TIMM22: variants seen among roughly 807,000 people sequenced by gnomAD.
The protein encoded by TIMM22 is mitochondrial import inner membrane translocase subunit Tim22.
A neutral mutation model predicts 18.3 loss-of-function variants in TIMM22; 12 were observed. The observed-to-expected ratio is 0.65, with a 90% CI of 0.42 to 1.06. The LOEUF (loss-of-function observed/expected upper bound fraction) is 1.06. TIMM22 is among the 50% of genes least tolerant of loss of function. TIMM22 has a pLI of 0.00. For missense variants in TIMM22, 278 were observed against 252.8 expected (o/e 1.10, Z -0.68); for synonymous variants, 107 against 98.5 (o/e 1.09, Z -0.51).
chr17:999,131 C>G (rs2069714522), intron 2 of TIMM22, among the ~76,000 whole-genome samples, 156 bp downstream of exon 2: 1 of 151,936 alleles, frequency 6.6e-6, no homozygotes. Flanking sequence ...AAAATAGTCC[C>G]TGTGGCAGAC....
intron 2 of TIMM22, among the ~76,000 whole-genome samples, chr17:999,222 C>T (rs1409651118): frequency 1.3e-5 from 2 of 151,168 alleles, no homozygotes; most frequent in African/African-American, 2.4e-5. Context: ...TTAAACGAGA[C>T]TTATTGGAGA....
rs1042322131 is a variant in TIMM22, at chr17:1,003,189, T to C, written c.*2101T>C. Reference sequence around the variant, plus strand: ...GAAGCGTTTACATAAAAGAAGACGCTTCCTGTTCAGTGGACAACTTCATGC... The same window carrying C: ...GAAGCGTTTACATAAAAGAAGACGCCTCCTGTTCAGTGGACAACTTCATGC... On this transcript the variant is annotated 3_prime_UTR_variant, in exon 4 of 4. Coordinates refer to ENST00000327158, the MANE Select transcript of TIMM22 (RefSeq NM_013337.4). The C allele has an allele frequency of 2.0e-5, 3 of 152,232 alleles. No homozygotes were observed. The highest frequency in any genetic ancestry group is 7.2e-5 in the African/African-American group (3 of 41,454). The allele number at this position is 152,232 out of a possible 1,614,324, so 9.4% of individuals were successfully genotyped here.
rs150077642 is a variant in TIMM22, at chr17:1,001,252, G to A, written c.*164G>A. On this transcript the variant is annotated 3_prime_UTR_variant, in exon 4 of 4. Transcript: ENST00000327158. ...GAGCTGCCTGGCTTCTCTGCCTCCA[G>A]CCTTTGGGGTAGCCACACTTTGCTG... 4.6e-5 allele frequency: 32 copies of A among 700,000 alleles called. No homozygotes were observed. In the African/African-American group the frequency reaches 5.2e-4, roughly 11 times the overall value. 43.4% of individuals were successfully genotyped at this position (700,000 alleles called of 1,614,324 possible). A position where few individuals can be genotyped will look rare whatever the true frequency, so the allele number is the denominator to read the frequency against.
At chr17:999,479 CT>C (rs2069721152) in intron 2 of TIMM22, 32 bp from the exon 3 acceptor site, 8 of 1,610,596 alleles carry the variant, frequency 5.0e-6, no homozygotes, top group Non-Finnish European at 5.9e-6. Context: ...TGGCTTGTTT[CT>C]TTGGCTCTAA....
At chr17:999,693 T>C in intron 3 of TIMM22, 109 bp downstream of exon 3, 1 of 1,043,564 alleles carries the variant, frequency 9.6e-7, no homozygotes, top group Non-Finnish European at 1.4e-6. Flanking sequence ...TTCTTCCCTC[T>C]GACAAATAAA....
At position 1,001,980 on chromosome 17, in the gene TIMM22, G is replaced by A. The variant is rs2069757281; in HGVS notation, c.*892G>A. The A allele has an allele frequency of 6.6e-6, 1 of 152,118 alleles. No homozygotes were observed. The highest frequency in any genetic ancestry group is 6.6e-5 in the Admixed American group (1 of 15,266). The allele number at this position is 152,118 out of a possible 1,614,324, so 9.4% of individuals were successfully genotyped here. A position where few individuals can be genotyped will look rare whatever the true frequency, so the allele number is the denominator to read the frequency against. On this transcript the variant is annotated 3_prime_UTR_variant, in exon 4 of 4. Coordinates refer to ENST00000327158, the MANE Select transcript of TIMM22 (RefSeq NM_013337.4). Reference sequence around the variant, plus strand: ...GGCCACATGTGAAGGGTCCTGCTGTGGTCATCTTGGTGACTCGGTCACAGC... The same window carrying A: ...GGCCACATGTGAAGGGTCCTGCTGTAGTCATCTTGGTGACTCGGTCACAGC...
At position 1,001,982 on chromosome 17, in the gene TIMM22, T is replaced by C. The variant is rs1001232458; in HGVS notation, c.*894T>C. Reference sequence around the variant, plus strand: ...CCACATGTGAAGGGTCCTGCTGTGGTCATCTTGGTGACTCGGTCACAGCAG... The same window carrying C: ...CCACATGTGAAGGGTCCTGCTGTGGCCATCTTGGTGACTCGGTCACAGCAG... On this transcript the variant is annotated 3_prime_UTR_variant, in exon 4 of 4. Coordinates refer to ENST00000327158, the MANE Select transcript of TIMM22 (RefSeq NM_013337.4). The C allele has an allele frequency of 1.3e-5, 2 of 152,124 alleles. No individual in the cohort carries two copies. The highest frequency in any genetic ancestry group is 2.4e-5 in the African/African-American group (1 of 41,404). The allele number at this position is 152,124 out of a possible 1,614,324, so 9.4% of individuals were successfully genotyped here.
At position 1,001,066 on chromosome 17, in the gene TIMM22, CGATT is replaced by C. The variant is rs773947293; in HGVS notation, c.568_571del (p.Asp190IlefsTer38). The stretch of plus-strand genomic sequence containing the variant: ...GGAGGTTTTGCTGCTTTCTCTGCTG[CGATT>C]GATTATTACCTCCGGTGAGAGTAAT... On this transcript the variant is annotated frameshift_variant, in exon 4 of 4. Coordinates refer to ENST00000327158, the MANE Select transcript of TIMM22 (RefSeq NM_013337.4). LOFTEE classifies it high-confidence loss of function. 4.3e-6 allele frequency: 7 copies of C among 1,613,790 alleles called. No homozygotes were observed. The highest frequency in any genetic ancestry group is 1.3e-5 in the African/African-American group (1 of 74,900).
chr17:997,186 C>A lies in TIMM22; in HGVS notation c.44C>A (p.Thr15Lys). 1 of 1,612,010 alleles carries A rather than the reference C, an allele frequency of 6.2e-7. No homozygotes were observed. The highest frequency in any genetic ancestry group is 2.2e-5 in the East Asian group (1 of 44,874). Residue 15 changes from threonine to lysine, a missense_variant, in exon 1 of 4, where the codon ACA becomes AAA. Thr to Lys is a moderately conservative substitution (Grantham distance 78, BLOSUM62 -1). Transcript: ENST00000327158. Reference protein sequence around the residue: ...APNAGGSAPETAGSAEAPLQY... With the variant: ...APNAGGSAPEKAGSAEAPLQY... ...AATGCCGGAGGCTCGGCCCCTGAGACAGCGGGTTCCGCCGAAGCTCCGCTG... is the reference window on the plus strand; with the variant it reads ...AATGCCGGAGGCTCGGCCCCTGAGAAAGCGGGTTCCGCCGAAGCTCCGCTG...
intron 1 of TIMM22, 134 bp from the exon 2 acceptor site, chr17:998,645 A>C: frequency 1.2e-6 from 1 of 805,824 alleles, no homozygotes. Context: ...AGGCAAGTGG[A>C]GAGTTTGAGT....
Position 1,003,141 on chromosome 17 carries a change from GCCACTT to G in TIMM22, c.*2054_*2059del, listed in dbSNP as rs557335550. ...GACCAAAAGGCTGCCTCAAAGATATGCCACTTTGAAGGAAAGCGTAGAGAAGCGTTT... is the reference window on the plus strand; with the variant it reads ...GACCAAAAGGCTGCCTCAAAGATATGTGAAGGAAAGCGTAGAGAAGCGTTT... On this transcript the variant is annotated 3_prime_UTR_variant, in exon 4 of 4. Transcript: ENST00000327158. 3.3e-5 allele frequency: 5 copies of G among 152,296 alleles called. No individual in the cohort carries two copies. In the East Asian group the frequency reaches 9.7e-4, roughly 29 times the overall value. The allele number at this position is 152,296 out of a possible 1,614,324, so 9.4% of individuals were successfully genotyped here.
chr17:999,044 C>T (rs2069713487), intron 2 of TIMM22, 69 bp downstream of exon 2: 3 of 1,506,826 alleles, frequency 2.0e-6, no homozygotes, highest in African/African-American at 1.4e-5. Context: ...AGAGAAATTG[C>T]TCTTTAAAAG....
At chr17:998,456 G>C (rs977402063) in intron 1 of TIMM22, among the ~76,000 whole-genome samples, 1 of 152,238 alleles carries the variant, frequency 6.6e-6, no homozygotes, top group Non-Finnish European at 1.5e-5. Context: ...GTGGCCAAGA[G>C]AGTGATTTGC....
chr17:998,954 T>C lies in TIMM22; in HGVS notation c.414T>C (p.Cys138=), dbSNP rs1376761632. ...NFAIVGAMFS[C]TECLIESYRG... ...CCATTGTGGGAGCCATGTTTTCTTG[T>C]ACTGAGTGTTTGATAGAATCTGTAA... The change falls in exon 2 of 4, where the codon TGT becomes TGC. Residue 138 remains cysteine, a synonymous_variant. Transcript: ENST00000327158. The C allele has an allele frequency of 1.2e-6, 2 of 1,613,866 alleles. No individual in the cohort carries two copies. The highest frequency in any genetic ancestry group is 1.7e-5 in the Admixed American group (1 of 59,998).
intron 1 of TIMM22, 96 bp downstream of exon 1, chr17:997,476 G>A: frequency 7.9e-7 from 1 of 1,269,038 alleles, no homozygotes; most frequent in Non-Finnish European, 1.1e-6. Flanking sequence ...GCGAGGGACT[G>A]CGGGCCTTGA....
rs940658204 is a variant in TIMM22, at chr17:1,002,065, G to A, written c.*977G>A. ...TGTTCACCACCATCCTCGTTCTCCA[G>A]GGTCAAGGAAGTGTTTTAACATGTC... is the stretch of plus-strand genomic sequence containing the variant. On this transcript the variant is annotated 3_prime_UTR_variant, in exon 4 of 4. Transcript: ENST00000327158. The A allele has an allele frequency of 5.9e-5, 9 of 152,090 alleles. No homozygotes were observed. The highest frequency in any genetic ancestry group is 6.8e-3 in the Middle Eastern group (2 of 294). 9.4% of individuals were successfully genotyped at this position (152,090 alleles called of 1,614,324 possible).
chr17:1,000,957 C>T (rs1181364180), intron 3 of TIMM22, 55 bp from the exon 4 acceptor site: 1 of 1,598,512 alleles, frequency 6.3e-7, no homozygotes, highest in African/African-American at 1.3e-5. Flanking sequence ...TCCGTGAGTG[C>T]CTCGTGACCC....
intron 1 of TIMM22, among the ~76,000 whole-genome samples, chr17:997,685 C>T (rs2069697825): frequency 6.6e-6 from 1 of 152,084 alleles, no homozygotes; most frequent in South Asian, 2.1e-4. Context: ...TGGTGGTGGG[C>T]GCCTGTAGTC....
rs796447081 is a variant in TIMM22, at chr17:999,346, T to C, written c.436-166T>C. Among the ~76,000 whole-genome samples, 76 of 140,282 alleles carry C rather than the reference T, an allele frequency of 5.4e-4. 1 individual carries two copies. Among genetic ancestry groups the C allele is most frequent in the Non-Finnish European group, 9.6e-4 (64 of 66,716 alleles). 92.0% of individuals were successfully genotyped at this position (140,282 alleles called of 152,430 possible). ...TACTATATATATATATATATATATA[T>C]ATATATATATATACACGCTGTATAC... On this transcript the variant is annotated intron_variant, in intron 2 of 3. Transcript: ENST00000327158.
Sources: gnomAD v4.1 joint callset for allele counts (sites outside exome capture counted in the v4.1 genomes callset) on GRCh38, gnomAD v4.1.1 for gene constraint, MANE v1.5 for transcripts, NCBI Gene and HGNC (gene_info 2026-07-23, HGNC 2026-07-21) for gene names.